The following VPS8 variants were observed in gnomAD, a reference collection of about 807,000 sequenced individuals.
The protein encoded by VPS8 is VPS8 subunit of CORVET complex.
Under a neutral mutation model 216.4 loss-of-function variants are expected in VPS8, and 129 were observed. The observed-to-expected ratio is 0.60, with a 90% CI of 0.52 to 0.69. The LOEUF (loss-of-function observed/expected upper bound fraction) is 0.69. VPS8 is among the 30% of genes least tolerant of loss of function. VPS8 has a pLI of 0.00. For synonymous variants in VPS8, 571 were observed against 565.4 expected (o/e 1.01, Z -0.14); for missense variants, 1,531 against 1,683.5 (o/e 0.91, Z 1.59).
intron 37 of VPS8, among the ~76,000 whole-genome samples, chr3:184,960,098 T>C (rs13091061): frequency 0.27 from 40,340 of 151,994 alleles, 6,520 homozygotes; most frequent in East Asian, 0.63. Context: ...GTTTGGTTTT[T>C]TGTCCTTGCG....
chr3:184,996,901 T>A (rs891183278), intron 44 of VPS8, among the ~76,000 whole-genome samples: 1 of 151,926 alleles, frequency 6.6e-6, no homozygotes, highest in African/African-American at 2.4e-5. Flanking sequence ...AGATGTGGAG[T>A]ATAAGAGAAA....
chr3:185,027,235 CTTTTTTTTTTTT>C (rs893256183), intron 46 of VPS8, among the ~76,000 whole-genome samples: 4 of 87,726 alleles, frequency 4.6e-5, no homozygotes, highest in Admixed American at 1.4e-4. Flanking sequence ...TTTTTATGTT[CTTTTTTTTTTTT>C]TTTTTTTTTT....
chr3:184,996,606 T>C (rs911485027), intron 44 of VPS8, 105 bp downstream of exon 44: 7 of 1,332,808 alleles, frequency 5.3e-6, no homozygotes, highest in Non-Finnish European at 6.1e-6. Context: ...GCAGTGAACG[T>C]GATAGGCAAG....
At chr3:184,893,471 A>G in intron 22 of VPS8, 1 of 665,786 alleles carries the variant, frequency 1.5e-6, no homozygotes, top group Non-Finnish European at 2.0e-6. Flanking sequence ...CAAAGAAGTG[A>G]ATGATACAAG....
chr3:184,994,590 T>C (rs1752371891), intron 43 of VPS8, among the ~76,000 whole-genome samples: 1 of 152,240 alleles, frequency 6.6e-6, no homozygotes, highest in Non-Finnish European at 1.5e-5. Flanking sequence ...TTTTAATTCA[T>C]TGGCAATGAA....
intron 45 of VPS8, among the ~76,000 whole-genome samples, chr3:185,015,732 T>G (rs2110024481): frequency 6.6e-6 from 1 of 152,364 alleles, no homozygotes; most frequent in African/African-American, 2.4e-5. Context: ...TAAGACCATT[T>G]ATAAAAGCTT....
chr3:184,891,667 A>G (rs1161991121), intron 22 of VPS8, among the ~76,000 whole-genome samples: 3 of 152,214 alleles, frequency 2.0e-5, no homozygotes, highest in Non-Finnish European at 4.4e-5. Flanking sequence ...TGTATCAAAA[A>G]ATAGAGCATT....
At chr3:184,837,879 A>G (rs1232125070) in intron 5 of VPS8, among the ~76,000 whole-genome samples, 2 of 152,252 alleles carry the variant, frequency 1.3e-5, no homozygotes, top group African/African-American at 2.4e-5. Flanking sequence ...GTCTGTTTTT[A>G]AAATCTGGAA....
intron 3 of VPS8, among the ~76,000 whole-genome samples, chr3:184,827,752 A>G (rs1719100441): frequency 6.6e-6 from 1 of 152,212 alleles, no homozygotes; most frequent in African/African-American, 2.4e-5. Flanking sequence ...AGAAGATAAC[A>G]CTGTTATCAT....
chr3:184,935,305 A>G (rs1741407922), intron 34 of VPS8, among the ~76,000 whole-genome samples: 2 of 152,230 alleles, frequency 1.3e-5, no homozygotes, highest in African/African-American at 4.8e-5. Context: ...GCTACAGATC[A>G]GTAGTAGTGT....
At chr3:184,977,724 T>A (rs961325226) in intron 40 of VPS8, among the ~76,000 whole-genome samples, 1 of 52,984 alleles carries the variant, frequency 1.9e-5, no homozygotes, top group African/African-American at 5.1e-5. Context: ...TTCTCATTGC[T>A]TATCTTTTTT....
chr3:184,926,425 T>C (rs886902183), intron 30 of VPS8, among the ~76,000 whole-genome samples, 169 bp from the exon 31 acceptor site: 6 of 150,544 alleles, frequency 4.0e-5, no homozygotes, highest in African/African-American at 1.5e-4. Flanking sequence ...CTGCACCTGA[T>C]GTTACATGTA....
rs1716638815 is a variant in VPS8 at position 184,817,708 on chromosome 3, A to G, written c.-89+5483A>G. On this transcript the variant is annotated intron_variant, in intron 1 of 47. Transcript: ENST00000625842. Reference sequence around the variant, plus strand: ...CAATTACAAGTAATAACACTGATAGATTTAATTTGCAACACAGATGTTATT... The same window carrying G: ...CAATTACAAGTAATAACACTGATAGGTTTAATTTGCAACACAGATGTTATT... Among the ~76,000 whole-genome samples the G allele has an allele frequency of 2.0e-5, 3 of 152,220 alleles. No homozygotes were observed. The South Asian group carries it at 6.2e-4, about 31-fold the overall frequency.
intron 35 of VPS8, among the ~76,000 whole-genome samples, 180 bp downstream of exon 35, chr3:184,936,515 CTGTGTGTGTGTGTGTG>C (rs59011109): frequency 5.0e-5 from 6 of 119,438 alleles, no homozygotes; most frequent in East Asian, 2.6e-4. Context: ...CAACCTAATA[CTGTGTGTGTGTGTGTG>C]TGTGTGTGTG....
At chr3:184,889,337 CAGTCAT>C (rs1280048667) in intron 22 of VPS8, among the ~76,000 whole-genome samples, 2 of 152,112 alleles carry the variant, frequency 1.3e-5, no homozygotes, top group African/African-American at 4.8e-5. Flanking sequence ...ACAGGAACAG[CAGTCAT>C]AGTATATACT....
At chr3:184,844,711 T>C (rs1207014920) in intron 8 of VPS8, among the ~76,000 whole-genome samples, 1 of 151,798 alleles carries the variant, frequency 6.6e-6, no homozygotes, top group East Asian at 1.9e-4. Context: ...GTCCAGAATA[T>C]GCTGAGGAGA....
chr3:184,934,552 CATAAGT>C (rs1196258350), intron 34 of VPS8, among the ~76,000 whole-genome samples: 3 of 152,170 alleles, frequency 2.0e-5, no homozygotes, highest in Non-Finnish European at 4.4e-5. Context: ...TCATTTCCAA[CATAAGT>C]ATGTTTACTG....
At chr3:184,873,741 C>T (rs892077236) in intron 21 of VPS8, among the ~76,000 whole-genome samples, 1 of 151,930 alleles carries the variant, frequency 6.6e-6, no homozygotes, top group African/African-American at 2.4e-5. Flanking sequence ...AAACTGAAGC[C>T]GACCATATGT....
intron 24 of VPS8, among the ~76,000 whole-genome samples, chr3:184,899,621 C>T (rs1317614863): frequency 1.3e-5 from 2 of 152,104 alleles, no homozygotes; most frequent in African/African-American, 2.4e-5. Context: ...CACCTCTCGG[C>T]TGCTCCTTCA....
Sources: gnomAD v4.1 joint callset for allele counts (sites outside exome capture counted in the v4.1 genomes callset) on GRCh38, gnomAD v4.1.1 for gene constraint, MANE v1.5 for transcripts, NCBI Gene and HGNC (gene_info 2026-07-23, HGNC 2026-07-21) for gene names.